The following TMEM50A variants were observed in gnomAD, a reference collection of about 807,000 sequenced individuals.
TMEM50A encodes the protein cervical cancer oncogene 9.
TMEM50A carries 8 observed loss-of-function variants against 23.9 expected under a neutral mutation model. The observed-to-expected ratio is 0.33, with a 90% CI of 0.20 to 0.60. The LOEUF (loss-of-function observed/expected upper bound fraction) is 0.60, where lower values mean the gene tolerates loss of function less well. Among genes scored for constraint, TMEM50A ranks in the 20% least tolerant of loss-of-function variants. The pLI, the probability that TMEM50A is intolerant of heterozygous loss-of-function variation, is 0.81. For synonymous variants in TMEM50A, 55 were observed against 60.4 expected, an observed-to-expected ratio of 0.91 and a Z score of 0.41; for missense variants, 178 against 192.7, an observed-to-expected ratio of 0.92 and a Z score of 0.45.
At chr1:25,349,367 C>CA (rs968243335) in intron 3 of TMEM50A, among the ~76,000 whole-genome samples, 10 of 152,290 alleles carry the variant, frequency 6.6e-5, no homozygotes, top group Admixed American at 6.5e-5. Context: ...TGGTGGCTCA[C>CA]AGAGGGCTCT....
intron 5 of TMEM50A, among the ~76,000 whole-genome samples, chr1:25,354,480 C>T (rs1057477308): frequency 2.6e-5 from 4 of 151,964 alleles, no homozygotes; most frequent in African/African-American, 9.7e-5. Flanking sequence ...ACTATGGTGA[C>T]GTGCATGTGT....
At chr1:25,343,637 C>T (rs577789792) in intron 3 of TMEM50A, among the ~76,000 whole-genome samples, 1 of 152,134 alleles carries the variant, frequency 6.6e-6, no homozygotes, top group East Asian at 1.9e-4. Context: ...AGTGATCCTC[C>T]CACCTCGACC....
intron 2 of TMEM50A, among the ~76,000 whole-genome samples, chr1:25,342,040 T>C (rs1645174327): frequency 6.6e-6 from 1 of 152,138 alleles, no homozygotes; most frequent in Non-Finnish European, 1.5e-5. Context: ...GAAGAAAATA[T>C]CTTAAATACA....
rs1571804573 is a variant in TMEM50A, at chr1:25,352,988, T to C, written c.367+14T>C. ...ATGTTGCTAAAGGTAAGAGAAAACA[T>C]AGGTTACAATTTACTTCAGTGGAAT... On this transcript the variant is annotated intron_variant, in intron 5 of 6. Coordinates refer to ENST00000374358, the MANE Select transcript of TMEM50A (RefSeq NM_014313.4). 2 of 1,599,706 alleles carry C rather than the reference T, an allele frequency of 1.3e-6. No individual in the cohort carries two copies. The highest frequency in any genetic ancestry group is 1.7e-6 in the Non-Finnish European group (2 of 1,173,720).
Position 25,362,033 on chromosome 1 carries a change from A to C in TMEM50A, c.*1328A>C, listed in dbSNP as rs1645414691. ...AGTGCATCCCCCCACCCTACAACTG[A>C]GCACAACCTCTTTCCCCACAGTGCA... On this transcript the variant is annotated 3_prime_UTR_variant, in exon 7 of 7. Coordinates refer to ENST00000374358, the MANE Select transcript of TMEM50A (RefSeq NM_014313.4). The C allele has an allele frequency of 4.0e-6, 1 of 250,000 alleles. No homozygotes were observed. The highest frequency in any genetic ancestry group is 5.2e-5 in the Admixed American group (1 of 19,344). 15.5% of individuals were successfully genotyped at this position (250,000 alleles called of 1,614,324 possible).
intron 5 of TMEM50A, among the ~76,000 whole-genome samples, chr1:25,354,972 A>G (rs1418546060): frequency 1.3e-5 from 2 of 152,108 alleles, no homozygotes; most frequent in African/African-American, 2.4e-5. Context: ...GGGTTCTGCC[A>G]TGTTGGCCAG....
chr1:25,355,715 C>T (rs1047000040), intron 5 of TMEM50A, among the ~76,000 whole-genome samples: 2 of 152,166 alleles, frequency 1.3e-5, no homozygotes, highest in East Asian at 1.9e-4. Context: ...TTTGACAGTT[C>T]ACCTATTTAT....
At chr1:25,341,581 G>A (rs3093582) in intron 2 of TMEM50A, among the ~76,000 whole-genome samples, 1,884 of 152,188 alleles carry the variant, frequency 0.012, 34 homozygotes, top group African/African-American at 0.042. Flanking sequence ...GTTTCTCCAT[G>A]TTGGTCAAGC....
chr1:25,347,103 T>C lies in TMEM50A; in HGVS notation c.206+4030T>C, dbSNP rs553491483. ...TATACATCTCAACAAATTTTTCTTA[T>C]ATATACACCCATGTAAACAGCATCT... is the stretch of plus-strand genomic sequence containing the variant. On this transcript the variant is annotated intron_variant, in intron 3 of 6. Transcript: ENST00000374358. Among the ~76,000 whole-genome samples the C allele has an allele frequency of 1.9e-4, 29 of 152,284 alleles. No individual in the cohort carries two copies. In the South Asian group the frequency reaches 5.8e-3, roughly 30 times the overall value.
At chr1:25,356,697 C>G (rs1437717253) in intron 5 of TMEM50A, 96 bp from the exon 6 acceptor site, 3 of 899,096 alleles carry the variant, frequency 3.3e-6, no homozygotes, top group Non-Finnish European at 5.2e-6. Context: ...TAAGAAAAAT[C>G]AATTCTTCTA....
intron 5 of TMEM50A, among the ~76,000 whole-genome samples, chr1:25,355,216 C>T (rs1243351104): frequency 2.0e-5 from 3 of 151,710 alleles, no homozygotes; most frequent in Admixed American, 6.6e-5. Flanking sequence ...GGCTGAGGCA[C>T]GAGATCTCTT....
In TMEM50A at chr1:25,362,130, A is replaced by G. The variant is rs1354230955; in HGVS notation, c.*1425A>G. ...GGAGAAAAGCATGATTCCCACAAGG[A>G]CTAAGTATCAGTGATTTGTAATTTT... On this transcript the variant is annotated 3_prime_UTR_variant, in exon 7 of 7. Coordinates refer to ENST00000374358, the MANE Select transcript of TMEM50A (RefSeq NM_014313.4). 8.6e-6 allele frequency: 3 copies of G among 349,900 alleles called. No individual in the cohort carries two copies. The highest frequency in any genetic ancestry group is 7.9e-5 in the South Asian group (3 of 37,960). The allele number at this position is 349,900 out of a possible 1,614,324, so 21.7% of individuals were successfully genotyped here. A position where few individuals can be genotyped will look rare whatever the true frequency, so the allele number is the denominator to read the frequency against.
At chr1:25,360,328 G>A (rs934376077) in intron 6 of TMEM50A, among the ~76,000 whole-genome samples, 29 of 146,726 alleles carry the variant, frequency 2.0e-4, no homozygotes, top group Non-Finnish European at 3.3e-4. Flanking sequence ...CAGCCTGGGC[G>A]ACAGAGCAAG....
chr1:25,351,568 T>C (rs1645275734), intron 3 of TMEM50A, 58 bp from the exon 4 acceptor site: 2 of 1,421,380 alleles, frequency 1.4e-6, no homozygotes. Flanking sequence ...TGTAGATTAT[T>C]GTTTCTGGTA....
In TMEM50A at chr1:25,362,124, A is replaced by T. The variant is rs374955154; in HGVS notation, c.*1419A>T. The T allele has an allele frequency of 3.0e-6, 1 of 331,908 alleles. No individual in the cohort carries two copies. The highest frequency in any genetic ancestry group is 7.5e-5 in the East Asian group (1 of 13,352). The allele number at this position is 331,908 out of a possible 1,614,324, so 20.6% of individuals were successfully genotyped here. A position where few individuals can be genotyped will look rare whatever the true frequency, so the allele number is the denominator to read the frequency against. On this transcript the variant is annotated 3_prime_UTR_variant, in exon 7 of 7. Coordinates refer to ENST00000374358, the MANE Select transcript of TMEM50A (RefSeq NM_014313.4). ...CTGCTGGGAGAAAAGCATGATTCCC[A>T]CAAGGACTAAGTATCAGTGATTTGT... is the stretch of plus-strand genomic sequence containing the variant.
chr1:25,341,960 C>T (rs1367187658), intron 2 of TMEM50A, among the ~76,000 whole-genome samples: 1 of 152,130 alleles, frequency 6.6e-6, no homozygotes, highest in Non-Finnish European at 1.5e-5. Flanking sequence ...ATTCACTGGC[C>T]TTGGCCTCCC....
chr1:25,342,366 C>G (rs1375765323), intron 2 of TMEM50A, among the ~76,000 whole-genome samples: 1 of 152,088 alleles, frequency 6.6e-6, no homozygotes, highest in Non-Finnish European at 1.5e-5. Context: ...TTTTGTTATA[C>G]CTTTGCCCTT....
At chr1:25,352,495 C>CAA (rs766371248) in intron 4 of TMEM50A, among the ~76,000 whole-genome samples, 117 of 58,942 alleles carry the variant, frequency 2.0e-3, no homozygotes, top group African/African-American at 5.3e-3. Context: ...GACTCTGCCT[C>CAA]AAAAAAAAAA....
intron 4 of TMEM50A, 123 bp downstream of exon 4, chr1:25,351,816 A>G: frequency 1.2e-6 from 1 of 814,486 alleles, no homozygotes; most frequent in South Asian, 2.0e-5. Context: ...ATTATTTTGA[A>G]TCTATTGTTT....
Sources: gnomAD v4.1 joint callset for allele counts (sites outside exome capture counted in the v4.1 genomes callset) on GRCh38, gnomAD v4.1.1 for gene constraint, MANE v1.5 for transcripts, NCBI Gene and HGNC (gene_info 2026-07-23, HGNC 2026-07-21) for gene names.